CNOT10: variants seen among roughly 807,000 people sequenced by gnomAD.
CNOT10 encodes the protein CCR4-NOT transcription complex subunit 10.
A neutral mutation model predicts 94.6 loss-of-function variants in CNOT10; 30 were observed. The ratio of observed to expected loss-of-function variants is 0.32; its 90% CI spans 0.24 to 0.43. The LOEUF is 0.43. Among genes scored for constraint, CNOT10 ranks in the 20% least tolerant of loss-of-function variants. CNOT10 has a pLI of 1.00. For missense variants in CNOT10, 759 were observed against 877.2 expected, an observed-to-expected ratio of 0.87 and a Z score of 1.70; for synonymous variants, 289 against 301.6, an observed-to-expected ratio of 0.96 and a Z score of 0.43.
At chr3:32,762,584 T>C in intron 14 of CNOT10, 149 bp from the exon 15 acceptor site, 2 of 818,746 alleles carry the variant, frequency 2.4e-6, no homozygotes, top group Non-Finnish European at 1.8e-6. Flanking sequence ...TGATTCGTTT[T>C]ACCTAAATAA....
intron 3 of CNOT10, among the ~76,000 whole-genome samples, chr3:32,705,619 G>A (rs1218346448): frequency 6.6e-6 from 1 of 152,158 alleles, no homozygotes. Context: ...AAGTGGAAAA[G>A]CCAAGGCACA....
intron 5 of CNOT10, among the ~76,000 whole-genome samples, chr3:32,713,744 A>G (rs189655562): frequency 1.7e-4 from 26 of 152,346 alleles, no homozygotes; most frequent in Admixed American, 5.2e-4. Context: ...GAATGGAATC[A>G]TAATATGCGG....
intron 13 of CNOT10, among the ~76,000 whole-genome samples, chr3:32,748,060 C>T (rs1405453886): frequency 6.6e-6 from 1 of 152,182 alleles, no homozygotes; most frequent in Non-Finnish European, 1.5e-5. Flanking sequence ...CTAGTCCTAA[C>T]ACTCCTGGGC....
chr3:32,725,365 C>G (rs1309835139), intron 8 of CNOT10, 85 bp from the exon 9 acceptor site: 2 of 994,544 alleles, frequency 2.0e-6, no homozygotes, highest in Non-Finnish European at 3.2e-6. Flanking sequence ...ACAGTGTTAA[C>G]TCGTGCAAGA....
chr3:32,741,279 T>A (rs1043953563), intron 13 of CNOT10, among the ~76,000 whole-genome samples: 1 of 152,184 alleles, frequency 6.6e-6, no homozygotes, highest in Non-Finnish European at 1.5e-5. Flanking sequence ...TGAGTATTAT[T>A]CCATGGTATG....
intron 17 of CNOT10, among the ~76,000 whole-genome samples, chr3:32,767,826 C>T (rs1169164783): frequency 1.3e-5 from 2 of 152,090 alleles, no homozygotes; most frequent in Non-Finnish European, 2.9e-5. Context: ...TCTCAAAGTG[C>T]CCCCAGACCT....
chr3:32,706,835 T>A (rs2125521011), intron 3 of CNOT10, among the ~76,000 whole-genome samples: 1 of 152,340 alleles, frequency 6.6e-6, no homozygotes, highest in East Asian at 1.9e-4. Flanking sequence ...AGTGACTTGA[T>A]AAGTGAAGAT....
intron 16 of CNOT10, 62 bp downstream of exon 16, chr3:32,764,552 A>G: frequency 6.2e-7 from 1 of 1,605,196 alleles, no homozygotes; most frequent in South Asian, 1.1e-5. Context: ...TTTAGATTCT[A>G]AATCTTCTGT....
chr3:32,761,833 C>T (rs1455597334), intron 14 of CNOT10, among the ~76,000 whole-genome samples: 3 of 149,468 alleles, frequency 2.0e-5, no homozygotes, highest in Non-Finnish European at 4.4e-5. Flanking sequence ...AGTGCAATGG[C>T]GTGATCTCGG....
chr3:32,752,433 C>T (rs920921388), intron 13 of CNOT10, among the ~76,000 whole-genome samples: 4 of 152,142 alleles, frequency 2.6e-5, no homozygotes, highest in Non-Finnish European at 4.4e-5. Flanking sequence ...CTTAAGATCC[C>T]GTCCATGTGT....
intron 13 of CNOT10, among the ~76,000 whole-genome samples, chr3:32,752,676 CT>C (rs1171114775): frequency 3.9e-5 from 6 of 152,174 alleles, no homozygotes; most frequent in Non-Finnish European, 8.8e-5. Context: ...TAAACTTCAA[CT>C]TTAACAGTTG....
chr3:32,725,981 A>G (rs751937209), intron 9 of CNOT10, among the ~76,000 whole-genome samples: 8 of 150,040 alleles, frequency 5.3e-5, no homozygotes, highest in Non-Finnish European at 7.4e-5. Flanking sequence ...GTCTAGCTCT[A>G]TCACCCAGGC....
intron 1 of CNOT10, among the ~76,000 whole-genome samples, chr3:32,695,167 G>C (rs1230413761): frequency 6.6e-6 from 1 of 152,174 alleles, no homozygotes; most frequent in Non-Finnish European, 1.5e-5. Context: ...AGCTCCTCTT[G>C]TCCAGTGGAG....
rs926338411 is a variant in CNOT10 at position 32,729,759 on chromosome 3, T to A, written c.1215+1889T>A. Among the ~76,000 whole-genome samples, 23 of 124,570 alleles carry A rather than the reference T, an allele frequency of 1.8e-4. 1 individual carries two copies. Among genetic ancestry groups the A allele is most frequent in the Non-Finnish European group, 3.3e-4 (20 of 59,976 alleles). 81.7% of individuals were successfully genotyped at this position (124,570 alleles called of 152,430 possible). On this transcript the variant is annotated intron_variant, in intron 10 of 18. Coordinates refer to ENST00000328834, the MANE Select transcript of CNOT10 (RefSeq NM_015442.3). ...AACAGTTCTAGGCAGAATTTATACTTCTTTTTTTTTTTTTTTTTTTTTTTT... is the reference window on the plus strand; with the variant it reads ...AACAGTTCTAGGCAGAATTTATACTACTTTTTTTTTTTTTTTTTTTTTTTT...
At chr3:32,690,578 G>A (rs898707385) in intron 1 of CNOT10, among the ~76,000 whole-genome samples, 11 of 150,856 alleles carry the variant, frequency 7.3e-5, no homozygotes, top group East Asian at 2.0e-4. Context: ...ACAGAGTCTC[G>A]CTCTGTTGCC....
chr3:32,712,846 A>G (rs558768226), intron 4 of CNOT10, among the ~76,000 whole-genome samples: 49 of 152,310 alleles, frequency 3.2e-4, no homozygotes, highest in African/African-American at 1.2e-3. Context: ...CTCAGAAACA[A>G]AAAAAGTTTT....
Position 32,713,281 on chromosome 3 carries a change from C to A in CNOT10, c.485C>A (p.Thr162Asn), listed in dbSNP as rs865993607. Residue 162 changes from threonine (T) to asparagine (N), a missense_variant, in exon 5 of 19, where the codon ACC becomes AAC. Transcript: ENST00000328834. ...CFLLVDLYIL[T>N]YQAEKALHLL... The stretch of plus-strand genomic sequence containing the variant: ...TTGCTTGTAGACCTGTATATATTAA[C>A]CTACCAAGCTGAGAAAGCTTTGCAT... The A allele has an allele frequency of 1.3e-6, 2 of 1,597,722 alleles. No homozygotes were observed. Among genetic ancestry groups the A allele is most frequent in the Admixed American group, 1.8e-5 (1 of 54,582 alleles).
chr3:32,699,662 C>T lies in CNOT10; in HGVS notation c.23-4206C>T, dbSNP rs1379869782. ...AAGGGGGCTTGTGATGGATGAGGTG[C>T]GAAAGTGGAGGCTACTATGACAGAT... On this transcript the variant is annotated intron_variant, in intron 1 of 18. Coordinates refer to ENST00000328834, the MANE Select transcript of CNOT10 (RefSeq NM_015442.3). 2.0e-5 allele frequency among the ~76,000 whole-genome samples: 3 copies of T among 151,968 alleles called. 1 individual carries two copies. The highest frequency in any genetic ancestry group is 1.3e-4 in the Admixed American group (2 of 15,244).
At chr3:32,688,014 A>G (rs1696705345) in intron 1 of CNOT10, among the ~76,000 whole-genome samples, 1 of 152,164 alleles carries the variant, frequency 6.6e-6, no homozygotes, top group Non-Finnish European at 1.5e-5. Context: ...TTCATCAGGT[A>G]AGAAAAAAGG....
Sources: gnomAD v4.1 joint callset for allele counts (sites outside exome capture counted in the v4.1 genomes callset) on GRCh38, gnomAD v4.1.1 for gene constraint, MANE v1.5 for transcripts, NCBI Gene and HGNC (gene_info 2026-07-23, HGNC 2026-07-21) for gene names.